The following STEAP2 variants were observed in gnomAD, a reference collection of about 807,000 sequenced individuals.
The protein encoded by STEAP2 is STEAP2 metalloreductase, also known as metalloreductase STEAP2.
STEAP2 carries 30 observed loss-of-function variants against 46.4 expected under a neutral mutation model. The ratio of observed to expected loss-of-function variants is 0.65; its 90% CI spans 0.48 to 0.88. The LOEUF is 0.88. STEAP2 is among the 40% of genes least tolerant of loss of function. STEAP2 has a pLI of 0.00. For synonymous variants in STEAP2, 180 were observed against 200.5 expected (o/e 0.90, Z 0.86); for missense variants, 513 against 579.3 (o/e 0.89, Z 1.18).
chr7:90,214,082 G>A (rs1182693656), intron 1 of STEAP2, among the ~76,000 whole-genome samples: 1 of 152,202 alleles, frequency 6.6e-6, no homozygotes, highest in Admixed American at 6.5e-5. Flanking sequence ...CTGTGGAGAT[G>A]TTTGGAAAGG....
chr7:90,236,506 A>T lies in STEAP2; in HGVS notation c.*3882A>T, dbSNP rs1306795243. On this transcript the variant is annotated 3_prime_UTR_variant, in exon 6 of 6. Transcript: ENST00000394621. ...CAGTGGGTAAAACAAATTCTGATGT[A>T]CATTCAGGACAAATGATTAGCCCTA... The T allele has an allele frequency of 9.9e-7, 1 of 1,006,070 alleles. No individual in the cohort carries two copies. Among genetic ancestry groups the T allele is most frequent in the Non-Finnish European group, 1.2e-6 (1 of 843,234 alleles). 62.3% of individuals were successfully genotyped at this position (1,006,070 alleles called of 1,614,324 possible). A position where few individuals can be genotyped will look rare whatever the true frequency, so the allele number is the denominator to read the frequency against.
chr7:90,238,014 G>C (rs754658195), downstream of STEAP2: 43 of 712,776 alleles, frequency 6.0e-5, no homozygotes, highest in Admixed American at 1.6e-4. Flanking sequence ...CATTTTTACA[G>C]AAAATTATGT....
chr7:90,234,841 C>G lies in STEAP2; in HGVS notation c.*2217C>G. 1.0e-6 allele frequency: 1 copy of G among 984,412 alleles called. No homozygotes were observed. Among genetic ancestry groups the G allele is most frequent in the African/African-American group, 1.7e-5 (1 of 57,302 alleles). The allele number at this position is 984,412 out of a possible 1,614,324, so 61.0% of individuals were successfully genotyped here. ...TGCTGGGATTACAGGTGTGAGCTAC[C>G]GCGCCCGGCCTATTATCTTGTACTT... On this transcript the variant is annotated 3_prime_UTR_variant, in exon 6 of 6. Coordinates refer to ENST00000394621, the MANE Select transcript of STEAP2 (RefSeq NM_001244944.2).
downstream of STEAP2, among the ~76,000 whole-genome samples, chr7:90,238,688 T>C (rs935899532): frequency 1.3e-5 from 2 of 152,186 alleles, no homozygotes; most frequent in Non-Finnish European, 2.9e-5. Flanking sequence ...GTACTCCCCA[T>C]AGAGTGGCAG....
intron 2 of STEAP2, among the ~76,000 whole-genome samples, chr7:90,217,723 A>C (rs1395031149): frequency 9.0e-6 from 1 of 110,988 alleles, no homozygotes. Context: ...AAAAAAAAAA[A>C]AAACATGTGA....
chr7:90,240,980 C>T (rs1363804009), downstream of STEAP2, among the ~76,000 whole-genome samples: 1 of 152,160 alleles, frequency 6.6e-6, no homozygotes, highest in Non-Finnish European at 1.5e-5. This position sits in a 1 kb window ranked among gnomAD's most constrained non-coding sequence, Gnocchi z 4.1. Flanking sequence ...ATTAAGTCAA[C>T]ATACCAAATA....
At chr7:90,241,582 T>C (rs559817940), downstream of STEAP2, among the ~76,000 whole-genome samples, 1 of 152,318 alleles carries the variant, frequency 6.6e-6, no homozygotes, top group South Asian at 2.1e-4. Context: ...CACATATCCT[T>C]GGGCCTCACC....
chr7:90,228,868 T>C (rs1331886273), intron 4 of STEAP2, among the ~76,000 whole-genome samples: 1 of 152,152 alleles, frequency 6.6e-6, no homozygotes, highest in African/African-American at 2.4e-5. Flanking sequence ...TTCTGTATTG[T>C]ATAGATATCA....
chr7:90,238,207 G>A, downstream of STEAP2: 1 of 709,994 alleles, frequency 1.4e-6, no homozygotes, highest in Non-Finnish European at 2.6e-6. Flanking sequence ...CCACTGACAA[G>A]GAGTAACTGA....
chr7:90,217,738 G>A (rs17861279), intron 2 of STEAP2, among the ~76,000 whole-genome samples: 4 of 148,402 alleles, frequency 2.7e-5, no homozygotes, highest in East Asian at 2.0e-4. Context: ...ATGTGAGGAC[G>A]GGTATCTCTT....
intron 3 of STEAP2, 53 bp from the exon 4 acceptor site, chr7:90,226,918 A>G: frequency 1.3e-6 from 2 of 1,516,310 alleles, no homozygotes; most frequent in Non-Finnish European, 1.8e-6. Context: ...TGCGATTGCT[A>G]CCATTTTTAT....
At chr7:90,224,640 T>A (rs11979233) in intron 2 of STEAP2, among the ~76,000 whole-genome samples, 30,318 of 152,134 alleles carry the variant, frequency 0.2, 3,204 homozygotes, top group African/African-American at 0.25. Flanking sequence ...CTGTCCTGCA[T>A]CACTAGTGCC....
At chr7:90,238,170 A>C, downstream of STEAP2, 1 of 717,112 alleles carries the variant, frequency 1.4e-6, no homozygotes, top group Non-Finnish European at 2.6e-6. Context: ...CCACACTGCT[A>C]TATGTTGAGG....
intron 2 of STEAP2, among the ~76,000 whole-genome samples, chr7:90,219,753 G>C (rs768749849): frequency 6.6e-6 from 1 of 152,024 alleles, no homozygotes; most frequent in South Asian, 2.1e-4. Context: ...TAGGAGACAG[G>C]GTCTTGCTCT....
chr7:90,231,257 T>C (rs1392902660), intron 5 of STEAP2, among the ~76,000 whole-genome samples: 2 of 151,944 alleles, frequency 1.3e-5, no homozygotes, highest in African/African-American at 4.8e-5. Context: ...GTTGTTTATA[T>C]TAATACTGCA....
chr7:90,229,972 T>TTCAGTGA lies in STEAP2; in HGVS notation c.1121_1122insTCAGTGA (p.Ala375GlnfsTer2). 1 of 1,613,662 alleles carries TTCAGTGA rather than the reference T, an allele frequency of 6.2e-7. No individual in the cohort carries two copies. The highest frequency in any genetic ancestry group is 1.1e-5 in the South Asian group (1 of 91,048). On this transcript the variant is annotated stop_gained and frameshift_variant, in exon 5 of 6. Coordinates refer to ENST00000394621, the MANE Select transcript of STEAP2 (RefSeq NM_001244944.2). ...ATGAGCCTTGGCTTACTTTCCCTCC[T>TTCAGTGA]GGCAGTCACTTCTATCCCTTCAGTG...
intron 2 of STEAP2, among the ~76,000 whole-genome samples, chr7:90,221,746 A>G (rs1255837098): frequency 1.3e-5 from 2 of 152,194 alleles, no homozygotes; most frequent in Admixed American, 6.6e-5. Flanking sequence ...ATATTGTCAA[A>G]AGTAAAAGAC....
chr7:90,232,149 T>C (rs1299366961), intron 5 of STEAP2, among the ~76,000 whole-genome samples, 188 bp from the exon 6 acceptor site: 1 of 151,854 alleles, frequency 6.6e-6, no homozygotes, highest in East Asian at 1.9e-4. Flanking sequence ...ATATAAATAA[T>C]ACATATATAT....
rs1795545463 is a variant in STEAP2 at position 90,227,387 on chromosome 7, A to G, written c.909A>G (p.Lys303=). ...PWLETWLQCR[K]QLGLLSFFFA... Reference sequence around the variant, plus strand: ...TGGAAACCTGGTTACAGTGTAGAAAACAGCTTGGATTACTAAGTTTTTTCT... The same window carrying G: ...TGGAAACCTGGTTACAGTGTAGAAAGCAGCTTGGATTACTAAGTTTTTTCT... The change falls in exon 4 of 6, where the codon AAA becomes AAG. Residue 303 remains lysine (K), a synonymous_variant. Coordinates refer to ENST00000394621, the MANE Select transcript of STEAP2 (RefSeq NM_001244944.2). The G allele has an allele frequency of 6.2e-7, 1 of 1,613,306 alleles. No homozygotes were observed.
Sources: allele counts gnomAD v4.1 joint callset (sites outside exome capture counted in the v4.1 genomes callset), GRCh38; gene constraint gnomAD v4.1.1; non-coding constraint Gnocchi (gnomAD v3.1); transcripts MANE v1.5; gene names NCBI Gene and HGNC (gene_info 2026-07-23, HGNC 2026-07-21).